ACOT8: variants seen among roughly 807,000 people sequenced by gnomAD.
ACOT8 encodes the protein acyl-coenzyme A thioesterase 8.
Under a neutral mutation model 38.4 loss-of-function variants are expected in ACOT8, and 31 were observed. The observed-to-expected ratio is 0.81, with a 90% CI of 0.61 to 1.09. The LOEUF (loss-of-function observed/expected upper bound fraction) is 1.09, where lower values mean the gene tolerates loss of function less well. ACOT8 is among the 50% of genes least tolerant of loss of function. ACOT8 has a pLI of 0.00. For synonymous variants in ACOT8, 158 were observed against 170.3 expected (o/e 0.93, Z 0.56); for missense variants, 373 against 421.8 (o/e 0.88, Z 1.01).
chr20:45,852,280 G>A (rs1173233745), intron 2 of ACOT8, among the ~76,000 whole-genome samples: 2 of 151,316 alleles, frequency 1.3e-5, no homozygotes, highest in African/African-American at 4.9e-5. Context: ...CGATTCTCCT[G>A]ACTCAGCCTC....
At chr20:45,846,929 C>T (rs1044263772) in intron 3 of ACOT8, among the ~76,000 whole-genome samples, 3 of 152,094 alleles carry the variant, frequency 2.0e-5, no homozygotes, top group South Asian at 2.1e-4. Flanking sequence ...AACATGTGGC[C>T]GGGCACGGTG....
intron 1 of ACOT8, among the ~76,000 whole-genome samples, chr20:45,855,852 G>GAGGGGGCAGGGCT (rs1985383509): frequency 6.6e-6 from 1 of 152,214 alleles, no homozygotes; most frequent in Non-Finnish European, 1.5e-5. Flanking sequence ...ACTGCAGCTT[G>GAGGGGGCAGGGCT]GCCCCAGAGA....
chr20:45,856,710 A>T (rs1055076826), intron 1 of ACOT8, among the ~76,000 whole-genome samples: 3 of 152,248 alleles, frequency 2.0e-5, no homozygotes, highest in African/African-American at 7.2e-5. Context: ...GCTGCAGTCA[A>T]GAACTTCAGC....
chr20:45,856,405 G>C, intron 1 of ACOT8, among the ~76,000 whole-genome samples: 1 of 152,170 alleles, frequency 6.6e-6, no homozygotes, highest in Non-Finnish European at 1.5e-5. Context: ...GCTGCAGGGG[G>C]CTGGGCGCGG....
intron 3 of ACOT8, among the ~76,000 whole-genome samples, chr20:45,845,208 C>T (rs1447589451): frequency 2.6e-5 from 4 of 152,210 alleles, no homozygotes; most frequent in Non-Finnish European, 5.9e-5. Context: ...CCTGCCTCAG[C>T]CTCCCGAGTA....
At chr20:45,852,175 C>CT (rs960180658) in intron 2 of ACOT8, among the ~76,000 whole-genome samples, 62 of 143,966 alleles carry the variant, frequency 4.3e-4, no homozygotes, top group East Asian at 1.2e-3. Context: ...GCTAATTTTC[C>CT]TTTTTTTTTT....
At chr20:45,852,329 G>A (rs759316898) in intron 2 of ACOT8, among the ~76,000 whole-genome samples, 5 of 149,564 alleles carry the variant, frequency 3.3e-5, no homozygotes, top group African/African-American at 7.6e-5. Context: ...CACCACACCT[G>A]GCTAATTTTT....
chr20:45,853,952 G>C, intron 2 of ACOT8: 2 of 1,304,398 alleles, frequency 1.5e-6, no homozygotes, highest in South Asian at 1.2e-5. Context: ...TTCTCAGCTG[G>C]GGATCTACGC....
Position 45,841,862 on chromosome 20 carries a change from G to C in ACOT8, c.936C>G (p.Pro312=), listed in dbSNP as rs752104246. Residue 312 remains proline, a synonymous_variant, in exon 6 of 6, where the codon CCC becomes CCG. Transcript: ENST00000217455. ...CAQEGVIRVK[P]QVSESKL ...GCTACAGCTTGCTCTCTGAGACCTG[G>C]GGCTTCACTCGGATCACGCCCTCCT... is the stretch of plus-strand genomic sequence containing the variant. The C allele has an allele frequency of 4.5e-5, 72 of 1,606,932 alleles. No individual in the cohort carries two copies. Among genetic ancestry groups the C allele is most frequent in the Non-Finnish European group, 5.9e-5 (70 of 1,177,930 alleles).
At chr20:45,850,595 C>G (rs1374842352) in intron 2 of ACOT8, among the ~76,000 whole-genome samples, 1 of 152,180 alleles carries the variant, frequency 6.6e-6, no homozygotes, top group East Asian at 1.9e-4. Flanking sequence ...CACTTCACCC[C>G]TGATGTATAT....
At chr20:45,843,954 G>T in intron 4 of ACOT8, 1 of 878,294 alleles carries the variant, frequency 1.1e-6, no homozygotes, top group Non-Finnish European at 1.7e-6. Flanking sequence ...CCCACTCTAG[G>T]CCCCAAAAGG....
Position 45,843,399 on chromosome 20 carries a change from C to A in ACOT8, c.841+128G>T, listed in dbSNP as rs754586310. The A allele has an allele frequency of 2.4e-6, 3 of 1,252,658 alleles. No individual in the cohort carries two copies. The South Asian group carries it at 3.9e-5, about 16-fold the overall frequency. The allele number at this position is 1,252,658 out of a possible 1,614,324, so 77.6% of individuals were successfully genotyped here. A position where few individuals can be genotyped will look rare whatever the true frequency, so the allele number is the denominator to read the frequency against. On this transcript the variant is annotated intron_variant, in intron 5 of 5. Coordinates refer to ENST00000217455, the MANE Select transcript of ACOT8 (RefSeq NM_005469.4). ...ATTTTGAAGATGAAGATGCCAAAGC[C>A]TGGGAGGGAAGGAAAGGAAGTGACC...
chr20:45,848,785 A>T, intron 2 of ACOT8, 110 bp from the exon 3 acceptor site: 1 of 1,012,292 alleles, frequency 9.9e-7, no homozygotes, highest in Non-Finnish European at 1.4e-6. Context: ...GTGACTACTA[A>T]CTGAGGTCTG....
intron 1 of ACOT8, 83 bp from the exon 2 acceptor site, chr20:45,855,375 T>C: frequency 6.5e-7 from 1 of 1,530,722 alleles, no homozygotes; most frequent in Non-Finnish European, 8.9e-7. Flanking sequence ...ATGCATGATC[T>C]CTTCACCATA....
chr20:45,857,104 C>G, intron 1 of ACOT8, 84 bp downstream of exon 1: 1 of 1,524,636 alleles, frequency 6.6e-7, no homozygotes, highest in Non-Finnish European at 8.9e-7. Context: ...ATACTAGTCC[C>G]GGAGCCAGGG....
At chr20:45,847,398 C>T (rs144164168) in intron 3 of ACOT8, among the ~76,000 whole-genome samples, 2,307 of 151,488 alleles carry the variant, frequency 0.015, 21 homozygotes, top group Middle Eastern at 0.031. Flanking sequence ...CAAGTGGTTA[C>T]GGAAGTATTT....
At chr20:45,854,721 C>A (rs945623457) in intron 2 of ACOT8, among the ~76,000 whole-genome samples, 1 of 152,004 alleles carries the variant, frequency 6.6e-6, no homozygotes, top group Non-Finnish European at 1.5e-5. Context: ...TTTTATTGAC[C>A]CTATGCTCAG....
chr20:45,855,847 A>G (rs572997886), intron 1 of ACOT8, among the ~76,000 whole-genome samples: 1 of 152,254 alleles, frequency 6.6e-6, no homozygotes, highest in Non-Finnish European at 1.5e-5. Context: ...AGAAAACTGC[A>G]GCTTGGCCCC....
intron 5 of ACOT8, chr20:45,842,519 T>G: frequency 9.9e-7 from 1 of 1,014,854 alleles, no homozygotes; most frequent in Non-Finnish European, 1.2e-6. Flanking sequence ...AAGAAAGGAC[T>G]CAGAAGAGAG....
Sources: gnomAD v4.1 joint callset for allele counts (sites outside exome capture counted in the v4.1 genomes callset) on GRCh38, gnomAD v4.1.1 for gene constraint, MANE v1.5 for transcripts, NCBI Gene and HGNC (gene_info 2026-07-23, HGNC 2026-07-21) for gene names.